Variants in RNF38 observed in about 807,000 individuals in gnomAD.
The protein encoded by RNF38 is E3 ubiquitin-protein ligase RNF38.
Under a neutral mutation model 67.2 loss-of-function variants are expected in RNF38, and 15 were observed. That is an observed-to-expected ratio of 0.22 (90% CI 0.15 to 0.34). RNF38 has a LOEUF of 0.34. RNF38 is among the 10% of genes least tolerant of loss of function. RNF38 has a pLI of 1.00. For synonymous variants in RNF38, 220 were observed against 218.8 expected (o/e 1.01, Z -0.05); for missense variants, 524 against 639.9 (o/e 0.82, Z 1.95).
At chr9:36,447,681 T>C (rs1222421130) in intron 1 of RNF38, among the ~76,000 whole-genome samples, 1 of 152,134 alleles carries the variant, frequency 6.6e-6, no homozygotes, top group Non-Finnish European at 1.5e-5. Flanking sequence ...TTAGGATACT[T>C]GGTACAGTAT....
chr9:36,479,212 T>G (rs928195719), intron 1 of RNF38, among the ~76,000 whole-genome samples: 13 of 152,186 alleles, frequency 8.5e-5, no homozygotes, highest in African/African-American at 2.9e-4. Flanking sequence ...CCCCCACTAC[T>G]TGGTTGTGCC....
intron 1 of RNF38, among the ~76,000 whole-genome samples, chr9:36,452,624 C>G (rs1839481895): frequency 6.6e-6 from 1 of 151,976 alleles, no homozygotes; most frequent in Non-Finnish European, 1.5e-5. Flanking sequence ...ACCTCCACCT[C>G]CTGGTTCAAG....
intron 1 of RNF38, among the ~76,000 whole-genome samples, chr9:36,450,264 T>G (rs1315160015): frequency 7.3e-6 from 1 of 137,088 alleles, no homozygotes; most frequent in Non-Finnish European, 1.5e-5. Context: ...CCCACTTGAC[T>G]TTTTTTTTAT....
intron 1 of RNF38, among the ~76,000 whole-genome samples, chr9:36,397,063 G>GTA (rs1357780331): frequency 7.9e-5 from 9 of 114,538 alleles, no homozygotes; most frequent in South Asian, 2.8e-4. Flanking sequence ...GTATATATAC[G>GTA]TATATATATG....
intron 1 of RNF38, among the ~76,000 whole-genome samples, chr9:36,442,499 C>T (rs1839213591): frequency 6.6e-6 from 1 of 152,076 alleles, no homozygotes; most frequent in South Asian, 2.1e-4. Context: ...TTAAAGACAC[C>T]TGCCAGGCGC....
chr9:36,405,120 A>T (rs2134177036), upstream of RNF38, among the ~76,000 whole-genome samples: 1 of 152,274 alleles, frequency 6.6e-6, no homozygotes, highest in South Asian at 2.1e-4. Context: ...ACAAAAAATT[A>T]GCCAGGCATG....
At chr9:36,343,622 A>G (rs1239590332) in intron 10 of RNF38, among the ~76,000 whole-genome samples, 9 of 152,164 alleles carry the variant, frequency 5.9e-5, no homozygotes, top group Admixed American at 5.2e-4. Context: ...ATTCAAAGCC[A>G]TTATTTAGCT....
At chr9:36,445,015 A>G (rs1413455235) in intron 1 of RNF38, among the ~76,000 whole-genome samples, 1 of 151,234 alleles carries the variant, frequency 6.6e-6, no homozygotes, top group African/African-American at 2.4e-5. Context: ...CATAAACTAC[A>G]AAGGTTCAAA....
chr9:36,352,329 C>T (rs1389750814), intron 8 of RNF38, among the ~76,000 whole-genome samples: 1 of 151,408 alleles, frequency 6.6e-6, no homozygotes, highest in Admixed American at 6.6e-5. Flanking sequence ...AAACAACAAA[C>T]CTACCCATGG....
At chr9:36,427,689 AT>A (rs1564058809) in intron 1 of RNF38, among the ~76,000 whole-genome samples, 14 of 148,192 alleles carry the variant, frequency 9.4e-5, no homozygotes, top group South Asian at 2.1e-4. Flanking sequence ...CTATCTATCT[AT>A]CTATCTATCT....
chr9:36,416,604 T>TAA (rs1411258845), intron 2 of RNF38, among the ~76,000 whole-genome samples: 3 of 152,128 alleles, frequency 2.0e-5, no homozygotes, highest in Non-Finnish European at 4.4e-5. Context: ...AGTTAGGCTG[T>TAA]AAGTTTTCTT....
chr9:36,347,633 C>T lies in RNF38; in HGVS notation c.1264-2680G>A, dbSNP rs559426722. Among the ~76,000 whole-genome samples the T allele has an allele frequency of 6.6e-5, 10 of 152,328 alleles. No homozygotes were observed. The East Asian group carries it at 1.9e-3, about 29-fold the overall frequency. On this transcript the variant is annotated intron_variant, in intron 9 of 11. Transcript: ENST00000259605. ...TGGGTATTCTGACTACTCCACTGAACGACTGGCTATTCGCCCATCTCTCTC... is the reference window on the plus strand; with the variant it reads ...TGGGTATTCTGACTACTCCACTGAATGACTGGCTATTCGCCCATCTCTCTC...
chr9:36,480,997 A>G (rs1330781202), intron 1 of RNF38, among the ~76,000 whole-genome samples: 3 of 151,132 alleles, frequency 2.0e-5, no homozygotes, highest in African/African-American at 4.9e-5. Context: ...ATGCAGTGAT[A>G]GCTTTTTTTC....
intron 1 of RNF38, among the ~76,000 whole-genome samples, chr9:36,449,462 G>T (rs988301517): frequency 2.0e-5 from 3 of 151,658 alleles, no homozygotes; most frequent in African/African-American, 7.3e-5. Flanking sequence ...TTGAGATGGA[G>T]CATCACTCTG....
chr9:36,434,617 G>T (rs1286276071), intron 1 of RNF38, among the ~76,000 whole-genome samples: 1 of 152,156 alleles, frequency 6.6e-6, no homozygotes, highest in East Asian at 1.9e-4. Flanking sequence ...TCGAACTCCT[G>T]ACCTCAGGTG....
intron 2 of RNF38, among the ~76,000 whole-genome samples, chr9:36,415,972 C>T (rs956564154): frequency 2.0e-5 from 3 of 151,852 alleles, no homozygotes; most frequent in Admixed American, 6.6e-5. Flanking sequence ...AATACAACAT[C>T]GACTGCAGTA....
exon 1 of RNF38, chr9:36,487,538 G>A (rs1840449842): frequency 2.0e-6 from 2 of 980,940 alleles, no homozygotes; most frequent in Non-Finnish European, 2.4e-6. Context: ...GGCAGCGACC[G>A]CGGCGGCCGC....
In RNF38 at chr9:36,458,123, G is replaced by A. The variant is rs377104723; in HGVS notation, n.241+29185C>T. On this transcript the variant is annotated intron_variant and non_coding_transcript_variant, in intron 1 of 3. Coordinates refer to the RNF38 transcript ENST00000488058. ...CATACACCAACGCTTTTGGAATGCA[G>A]AGCCTCAATATAGTAGTAATGAGAG... Among the ~76,000 whole-genome samples the A allele has an allele frequency of 3.3e-5, 5 of 152,354 alleles. No individual in the cohort carries two copies. The Middle Eastern group carries it at 0.01, about 311-fold the overall frequency.
intron 2 of RNF38, among the ~76,000 whole-genome samples, chr9:36,384,985 A>G (rs1250198466): frequency 6.6e-6 from 1 of 152,216 alleles, no homozygotes; most frequent in Non-Finnish European, 1.5e-5. Context: ...ACAATGACCA[A>G]TTGAGAGCAA....
Sources: allele counts gnomAD v4.1 joint callset (sites outside exome capture counted in the v4.1 genomes callset), GRCh38; gene constraint gnomAD v4.1.1; transcripts MANE v1.5; gene names NCBI Gene and HGNC (gene_info 2026-07-23, HGNC 2026-07-21).